SEMA5A: variants seen among roughly 807,000 people sequenced by gnomAD.
SEMA5A encodes the protein semaphorin-5A.
SEMA5A carries 55 observed loss-of-function variants against 135.5 expected under a neutral mutation model. The observed-to-expected ratio is 0.41, with a 90% confidence interval of 0.33 to 0.51. The LOEUF (loss-of-function observed/expected upper bound fraction) is 0.51. Among genes scored for constraint, SEMA5A ranks in the 20% least tolerant of loss-of-function variants. The pLI is 0.37. For synonymous variants in SEMA5A, 580 were observed against 546.5 expected, an observed-to-expected ratio of 1.06 and a Z score of -0.85; for missense variants, 1,290 against 1,419.9, an observed-to-expected ratio of 0.91 and a Z score of 1.47.
intron 1 of SEMA5A, among the ~76,000 whole-genome samples, chr5:9,510,955 C>G (rs948451314): frequency 2.4e-4 from 36 of 152,194 alleles, no homozygotes; most frequent in Admixed American, 1.5e-3. Context: ...ATGCCCATTC[C>G]AGAAGATACC....
At chr5:9,540,719 C>A (rs1006795642) in intron 1 of SEMA5A, among the ~76,000 whole-genome samples, 1 of 152,198 alleles carries the variant, frequency 6.6e-6, no homozygotes, top group African/African-American at 2.4e-5. Context: ...GGATGCCCAA[C>A]CATAAATGTC....
At chr5:9,347,688 C>G (rs1018516574) in intron 3 of SEMA5A, among the ~76,000 whole-genome samples, 4 of 152,184 alleles carry the variant, frequency 2.6e-5, no homozygotes, top group Non-Finnish European at 5.9e-5. Flanking sequence ...GAGCAGGGAC[C>G]TGCATGGAGA....
intron 1 of SEMA5A, among the ~76,000 whole-genome samples, chr5:9,464,678 C>T (rs186639090): frequency 6.6e-6 from 1 of 151,496 alleles, no homozygotes; most frequent in Admixed American, 6.6e-5. Context: ...CATCTGCCGG[C>T]AGCAGCCCCA....
intron 3 of SEMA5A, among the ~76,000 whole-genome samples, chr5:9,358,196 G>A (rs187666264): frequency 3.9e-5 from 6 of 152,196 alleles, no homozygotes; most frequent in South Asian, 2.1e-4. Context: ...GTGCCTGGGC[G>A]CTCCAGTCAG....
chr5:9,416,710 T>C (rs953277573), intron 2 of SEMA5A, among the ~76,000 whole-genome samples: 3 of 152,082 alleles, frequency 2.0e-5, no homozygotes, highest in Admixed American at 2.0e-4. Context: ...AAAGCAGGAG[T>C]TCAAAACCAG....
chr5:9,131,418 C>A (rs1200175673), intron 13 of SEMA5A, among the ~76,000 whole-genome samples: 1 of 151,740 alleles, frequency 6.6e-6, no homozygotes, highest in African/African-American at 2.4e-5. Flanking sequence ...ACCATCCAGG[C>A]TAACACGGTG....
intron 2 of SEMA5A, among the ~76,000 whole-genome samples, chr5:9,405,696 T>C (rs1406873653): frequency 6.6e-6 from 1 of 152,228 alleles, no homozygotes; most frequent in Non-Finnish European, 1.5e-5. Flanking sequence ...GCCAGAATGC[T>C]GGGTGCACAG....
chr5:9,090,038 T>G (rs1433041015), intron 16 of SEMA5A, among the ~76,000 whole-genome samples: 1 of 152,184 alleles, frequency 6.6e-6, no homozygotes, highest in Non-Finnish European at 1.5e-5. Flanking sequence ...TATACATGTG[T>G]AATTTATATT....
chr5:9,074,655 A>T (rs1425257895), intron 16 of SEMA5A, among the ~76,000 whole-genome samples: 1 of 152,196 alleles, frequency 6.6e-6, no homozygotes, highest in African/African-American at 2.4e-5. Flanking sequence ...ATAAAAACTA[A>T]CTAATAGAAA....
At position 9,037,646 on chromosome 5, in the gene SEMA5A, T is replaced by TATTA. The variant is rs891502783; in HGVS notation, c.*5247_*5250dup. 1.3e-5 allele frequency: 2 copies of TATTA among 152,182 alleles called. No homozygotes were observed. Among genetic ancestry groups the TATTA allele is most frequent in the African/African-American group, 4.8e-5 (2 of 41,444 alleles). 9.4% of individuals were successfully genotyped at this position (152,182 alleles called of 1,614,324 possible). A position where few individuals can be genotyped will look rare whatever the true frequency, so the allele number is the denominator to read the frequency against. ...AACATTACATCTTATTTACCTTTTC[T>TATTA]ATTACCAAAAGAGAAAAGAAGCAAG... is the stretch of plus-strand genomic sequence containing the variant. On this transcript the variant is annotated 3_prime_UTR_variant, in exon 23 of 23. Transcript: ENST00000382496.
chr5:9,541,872 A>G (rs1255201004), intron 1 of SEMA5A, among the ~76,000 whole-genome samples: 2 of 152,210 alleles, frequency 1.3e-5, no homozygotes, highest in Non-Finnish European at 2.9e-5. Flanking sequence ...CCTTAGCTAT[A>G]CAACCTTTTA....
Position 9,509,129 on chromosome 5 carries a change from G to A in SEMA5A, c.-175+36455C>T, listed in dbSNP as rs546282872. On this transcript the variant is annotated intron_variant, in intron 1 of 22. Coordinates refer to ENST00000382496, the MANE Select transcript of SEMA5A (RefSeq NM_003966.3). Reference sequence around the variant, plus strand: ...TCACCAGGACAGCATCACTACAAGGGGAAGGCAGGTGTCCACAGGGGTGAA... The same window carrying A: ...TCACCAGGACAGCATCACTACAAGGAGAAGGCAGGTGTCCACAGGGGTGAA... Among the ~76,000 whole-genome samples the A allele has an allele frequency of 4.8e-4, 59 of 122,368 alleles. 1 individual carries two copies. Among genetic ancestry groups the A allele is most frequent in the African/African-American group, 1.9e-3 (58 of 31,140 alleles). 80.3% of individuals were successfully genotyped at this position (122,368 alleles called of 152,430 possible).
At position 9,190,344 on chromosome 5, in the gene SEMA5A, T is replaced by C; in HGVS notation, c.1196A>G (p.Asn399Ser). 2 of 1,614,092 alleles carry C rather than the reference T, an allele frequency of 1.2e-6. No individual in the cohort carries two copies. Among genetic ancestry groups the C allele is most frequent in the Non-Finnish European group, 1.7e-6 (2 of 1,180,004 alleles). The change falls in exon 11 of 23, where the codon AAT (asparagine) becomes AGT (serine). Residue 399 changes from asparagine to serine, a missense_variant. By Grantham distance (46) the Asn-to-Ser change is conservative. Coordinates refer to ENST00000382496, the MANE Select transcript of SEMA5A (RefSeq NM_003966.3). ...GACTGCCACGTGGGAAAAGCGGCTA[T>C]TGTCCTCCATGAAGGAGGGCACTGT... is the stretch of plus-strand genomic sequence containing the variant. ...VTTVPSFMEDNSRFSHVAVDV... is the reference protein window; with the variant it reads ...VTTVPSFMEDSSRFSHVAVDV...
At chr5:9,253,714 A>T (rs1274702870) in intron 5 of SEMA5A, among the ~76,000 whole-genome samples, 1 of 152,198 alleles carries the variant, frequency 6.6e-6, no homozygotes, top group Non-Finnish European at 1.5e-5. Flanking sequence ...AAATGTAACT[A>T]GTCCAAATGT....
At chr5:9,197,770 G>A (rs1383628555) in intron 9 of SEMA5A, among the ~76,000 whole-genome samples, 2 of 139,356 alleles carry the variant, frequency 1.4e-5, no homozygotes, top group South Asian at 2.3e-4. Context: ...GTGTGTGTGT[G>A]TGTGTGTGTG....
chr5:9,094,635 G>A (rs1055716234), intron 16 of SEMA5A, among the ~76,000 whole-genome samples: 5 of 152,272 alleles, frequency 3.3e-5, no homozygotes, highest in Admixed American at 2.6e-4. Context: ...TGCGGAGCCC[G>A]AATAATTTTA....
intron 15 of SEMA5A, 22 bp from the exon 16 acceptor site, chr5:9,108,309 G>T: frequency 6.2e-7 from 1 of 1,612,376 alleles, no homozygotes; most frequent in Non-Finnish European, 8.5e-7. Context: ...AAACCAAAAT[G>T]ACAAGGAAAC....
At chr5:9,092,395 C>G (rs1482431576) in intron 16 of SEMA5A, among the ~76,000 whole-genome samples, 1 of 152,174 alleles carries the variant, frequency 6.6e-6, no homozygotes, top group Non-Finnish European at 1.5e-5. Flanking sequence ...TAATGAGGCT[C>G]TCTATAATAG....
rs1744025146 is a variant in SEMA5A at position 9,173,282 on chromosome 5, T to TC, written c.1273+16984_1273+16985insG. 2.5e-5 allele frequency among the ~76,000 whole-genome samples: 3 copies of TC among 120,892 alleles called. No homozygotes were observed. In the South Asian group the frequency reaches 7.7e-4, roughly 31 times the overall value. 79.3% of individuals were successfully genotyped at this position (120,892 alleles called of 152,430 possible). ...GGAAAGTTGTTTTCTTCACCCGGTTTTTTTTTTTTTTTTTTTTTGGTCTAG... is the reference window on the plus strand; with the variant it reads ...GGAAAGTTGTTTTCTTCACCCGGTTTCTTTTTTTTTTTTTTTTTTGGTCTAG... On this transcript the variant is annotated intron_variant, in intron 11 of 22. Transcript: ENST00000382496.
Sources: allele counts gnomAD v4.1 joint callset (sites outside exome capture counted in the v4.1 genomes callset), GRCh38; gene constraint gnomAD v4.1.1; transcripts MANE v1.5; gene names NCBI Gene and HGNC (gene_info 2026-07-23, HGNC 2026-07-21).